Variants in CNGB1 observed in about 807,000 individuals in gnomAD.
CNGB1 encodes the protein cyclic nucleotide-gated channel beta-1.
Under a neutral mutation model 151.7 loss-of-function variants are expected in CNGB1, and 126 were observed. The observed-to-expected ratio is 0.83, with a 90% CI of 0.72 to 0.96. The LOEUF (loss-of-function observed/expected upper bound fraction) is 0.96. Ranked by LOEUF, CNGB1 falls within the 40% of genes least tolerant of loss-of-function variation. The pLI is 0.00. For synonymous variants in CNGB1, 623 were observed against 635.1 expected (o/e 0.98, Z 0.29); for missense variants, 1,698 against 1,627.0 (o/e 1.04, Z -0.75).
intron 11 of CNGB1, among the ~76,000 whole-genome samples, chr16:57,957,924 A>G (rs545757335): frequency 6.6e-6 from 1 of 152,166 alleles, no homozygotes; most frequent in Non-Finnish European, 1.5e-5. Flanking sequence ...ATTGCACCCA[A>G]GAAAAAAGGG....
intron 15 of CNGB1, 53 bp from the exon 16 acceptor site, chr16:57,939,645 G>GTC: frequency 6.2e-7 from 1 of 1,610,666 alleles, no homozygotes; most frequent in Non-Finnish European, 8.5e-7. Context: ...CCCAGCCCTA[G>GTC]TCTCAGCAGC....
rs556220372 is a variant in CNGB1 at position 57,952,471 on chromosome 16, G to A, written c.875-1931C>T. 2.8e-5 allele frequency among the ~76,000 whole-genome samples: 4 copies of A among 144,216 alleles called. No individual in the cohort carries two copies. In the South Asian group the frequency reaches 6.8e-4, roughly 25 times the overall value. 94.6% of individuals were successfully genotyped at this position (144,216 alleles called of 152,430 possible). ...TTTCTTTTTAGGTCCTATTTAGTGC[G>A]TGGGTGTTTTACAAGCATTTCCTTT... is the stretch of plus-strand genomic sequence containing the variant. On this transcript the variant is annotated intron_variant, in intron 12 of 32. Coordinates refer to ENST00000251102, the MANE Select transcript of CNGB1 (RefSeq NM_001297.5).
In CNGB1 at chr16:57,964,196, T is replaced by C. The variant is rs371360464; in HGVS notation, c.224A>G (p.Lys75Arg). The part of the protein sequence containing the change: ...AVADPSPQET[K>R]EAALTSTISL... ...TATGGTGGAAGTAAGGGCAGCCTCC[T>C]TGGTCTCTGGAAAAGAATCTCTCAT... The change falls in exon 4 of 33, where the codon AAG becomes AGG. Residue 75 changes from lysine (K) to arginine (R), a missense_variant. Lys to Arg is a conservative substitution (Grantham distance 26). Transcript: ENST00000251102. 4.2e-5 allele frequency: 67 copies of C among 1,614,008 alleles called. No homozygotes were observed. Among genetic ancestry groups the C allele is most frequent in the South Asian group, 1.2e-4 (11 of 91,070 alleles).
chr16:57,926,501 C>T (rs377413064), intron 17 of CNGB1, among the ~76,000 whole-genome samples: 1 of 152,222 alleles, frequency 6.6e-6, no homozygotes, highest in Non-Finnish European at 1.5e-5. Flanking sequence ...TTCCAGAAGG[C>T]TCTGAAATGA....
chr16:57,920,065 A>T (rs1366805904), intron 19 of CNGB1, among the ~76,000 whole-genome samples: 2 of 152,174 alleles, frequency 1.3e-5, no homozygotes, highest in Non-Finnish European at 2.9e-5. Flanking sequence ...ACACAATCTG[A>T]GTGTAAGACC....
chr16:57,960,574 C>G, intron 8 of CNGB1, 44 bp from the exon 9 acceptor site: 1 of 1,597,384 alleles, frequency 6.3e-7, no homozygotes, highest in African/African-American at 1.3e-5. Flanking sequence ...ATAGCAAGCT[C>G]TGTGCGCTTC....
Position 57,884,230 on chromosome 16 carries a change from GC to G in CNGB1, c.3689del (p.Gly1230AlafsTer11), listed in dbSNP as rs781337569. ...ACAGGATCTGCTCTCCCGGCTCCGG[GC>G]CCGGGCTCATGCAGATCCTCACCGA... The part of the protein sequence containing the change: ...EHSVRICMSP[G>X]PEPGEQILSV... On this transcript the variant is annotated frameshift_variant, in exon 33 of 33. Coordinates refer to ENST00000251102, the MANE Select transcript of CNGB1 (RefSeq NM_001297.5). LOFTEE classifies it low-confidence loss of function (END_TRUNC). The G allele has an allele frequency of 1.9e-6, 3 of 1,613,918 alleles. No individual in the cohort carries two copies. Among genetic ancestry groups the G allele is most frequent in the Admixed American group, 1.7e-5 (1 of 60,032 alleles).
intron 16 of CNGB1, among the ~76,000 whole-genome samples, chr16:57,934,870 T>C (rs950260108): frequency 1.3e-5 from 2 of 150,078 alleles, no homozygotes; most frequent in Non-Finnish European, 2.9e-5. Context: ...GACAGGTGAA[T>C]GGCGTGAACC....
In CNGB1 at chr16:57,901,635, A is replaced by C. The variant is rs569149092; in HGVS notation, c.2795-10T>G. ...ATCAGCTCTGACTCATCTGTGAACA[A>C]GGCCTGGCAAGGGTCAGAGGCAAGG... On this transcript the variant is annotated splice_polypyrimidine_tract_variant and intron_variant, in intron 27 of 32. Transcript: ENST00000251102. 6 of 1,612,308 alleles carry C rather than the reference A, an allele frequency of 3.7e-6. No homozygotes were observed. The African/African-American group carries it at 5.3e-5, about 14-fold the overall frequency.
At chr16:57,893,418 G>A (rs758577897) in intron 31 of CNGB1, among the ~76,000 whole-genome samples, 7 of 151,996 alleles carry the variant, frequency 4.6e-5, no homozygotes, top group East Asian at 1.9e-4. Flanking sequence ...CATTGCGCCC[G>A]GCCTGAAGTG....
rs10598722 is a variant in CNGB1 at position 57,952,493 on chromosome 16, C to CTTTT, written c.875-1957_875-1954dup. ...TGCGTGGGTGTTTTACAAGCATTTC[C>CTTTT]TTTTTTTTTTTTTTTTTTTTTTTTT... On this transcript the variant is annotated intron_variant, in intron 12 of 32. Coordinates refer to ENST00000251102, the MANE Select transcript of CNGB1 (RefSeq NM_001297.5). 5.1e-4 allele frequency among the ~76,000 whole-genome samples: 32 copies of CTTTT among 62,146 alleles called. 5 individuals are homozygous for CTTTT. Among genetic ancestry groups the CTTTT allele is most frequent in the Non-Finnish European group, 6.8e-4 (24 of 35,436 alleles). 40.8% of individuals were successfully genotyped at this position (62,146 alleles called of 152,430 possible).
chr16:57,904,801 AAG>A lies in CNGB1; in HGVS notation c.2565_2566del (p.Phe856Ter). 1.2e-6 allele frequency: 2 copies of A among 1,614,188 alleles called. No homozygotes were observed. Among genetic ancestry groups the A allele is most frequent in the Non-Finnish European group, 1.7e-6 (2 of 1,180,040 alleles). ...ATTCAGCAGCTGGAAGACAATTTCAAAGAGTGTCTTGGGGTCAGGCAGCCCCC... is the reference window on the plus strand; with the variant it reads ...ATTCAGCAGCTGGAAGACAATTTCAAAGTGTCTTGGGGTCAGGCAGCCCCC... On this transcript the variant is annotated frameshift_variant, in exon 26 of 33. Transcript: ENST00000251102. LOFTEE classifies it high-confidence loss of function.
chr16:57,884,665 T>A (rs247043), intron 32 of CNGB1, among the ~76,000 whole-genome samples: 12,728 of 151,920 alleles, frequency 0.084, 772 homozygotes, highest in South Asian at 0.13. Context: ...AGATTAAAAG[T>A]CCCGGTTGGA....
intron 22 of CNGB1, among the ~76,000 whole-genome samples, chr16:57,915,828 G>T (rs1228144913): frequency 2.0e-5 from 3 of 148,906 alleles, no homozygotes; most frequent in African/African-American, 7.5e-5. Flanking sequence ...GAACGAGGAG[G>T]CAGAGGTTGC....
At position 57,887,939 on chromosome 16, in the gene CNGB1, G is replaced by A. The variant is rs11867123; in HGVS notation, c.3378C>T (p.Gly1126=). Residue 1126 remains glycine, a synonymous_variant, in exon 32 of 33, where the codon GGC becomes GGT. Transcript: ENST00000251102. ...GGGCCCGGAGGTGAGCAAGTTTGCC[G>A]CCTTTTGCCCCCTTGCCACCCATCT... ...TGKMGGKGAK[G]GKLAHLRARL... is the part of the protein sequence containing the mutation. The A allele has an allele frequency of 0.017, 26,747 of 1,614,170 alleles. 311 individuals are homozygous for A. Among genetic ancestry groups the A allele is most frequent in the East Asian group, 0.055 (2,464 of 44,886 alleles).
chr16:57,960,982 C>T (rs1278107996), intron 7 of CNGB1, 67 bp from the exon 8 acceptor site: 83 of 1,456,464 alleles, frequency 5.7e-5, no homozygotes, highest in Non-Finnish European at 6.0e-5. Context: ...CAGCCCACCT[C>T]GGGGCCAGGC....
At chr16:57,960,705 T>C in intron 8 of CNGB1, 135 bp downstream of exon 8, 1 of 1,258,218 alleles carries the variant, frequency 7.9e-7, no homozygotes, top group Non-Finnish European at 1.1e-6. Context: ...CATAGAGGAC[T>C]CTCCAAAGTG....
intron 16 of CNGB1, among the ~76,000 whole-genome samples, chr16:57,935,421 T>C (rs1961481202): frequency 6.6e-6 from 1 of 152,160 alleles, no homozygotes; most frequent in East Asian, 1.9e-4. Flanking sequence ...GGCTCATGCC[T>C]GTACTCCCAG....
chr16:57,913,348 A>G (rs1052611918), intron 23 of CNGB1, among the ~76,000 whole-genome samples: 7 of 152,246 alleles, frequency 4.6e-5, no homozygotes, highest in African/African-American at 1.7e-4. Context: ...TATAAAGAAA[A>G]CAATTTAATA....
Sources: allele counts gnomAD v4.1 joint callset (sites outside exome capture counted in the v4.1 genomes callset), GRCh38; gene constraint gnomAD v4.1.1; transcripts MANE v1.5; gene names NCBI Gene and HGNC (gene_info 2026-07-23, HGNC 2026-07-21).